The following CEP135 variants were observed in gnomAD, a reference collection of about 807,000 sequenced individuals.
CEP135 encodes centrosomal protein 135.
A neutral mutation model predicts 157.3 loss-of-function variants in CEP135; 142 were observed. The observed-to-expected ratio is 0.90, with a 90% CI of 0.79 to 1.04. The LOEUF (loss-of-function observed/expected upper bound fraction) is 1.04. CEP135 is among the 50% of genes least tolerant of loss of function. The probability of loss-of-function intolerance (pLI) is 0.00; values close to 1 mark genes in which losing one functional copy is unlikely to be tolerated. For synonymous variants in CEP135, 396 were observed against 439.8 expected (o/e 0.90, Z 1.25); for missense variants, 1,317 against 1,309.2 (o/e 1.01, Z -0.09).
In CEP135 at chr4:55,985,311, T is replaced by A. The variant is rs758861444; in HGVS notation, c.1810T>A (p.Ser604Thr). 1.3e-6 allele frequency: 2 copies of A among 1,593,672 alleles called. No homozygotes were observed. Among genetic ancestry groups the A allele is most frequent in the Admixed American group, 3.4e-5 (2 of 59,542 alleles). ...HIEEVSLFGK[S>T]ELEKTIEHLT... The stretch of plus-strand genomic sequence containing the variant: ...TGAAGAAGTGAGTCTTTTTGGAAAA[T>A]CAGAATTAGAGAAAACTATTGAACA... Residue 604 changes from serine (S) to threonine (T), a missense_variant, in exon 14 of 26, where the codon TCA (serine) becomes ACA (threonine). Coordinates refer to ENST00000257287, the MANE Select transcript of CEP135 (RefSeq NM_025009.5).
chr4:56,009,973 A>G, intron 19 of CEP135, 70 bp downstream of exon 19: 2 of 1,429,058 alleles, frequency 1.4e-6, no homozygotes, highest in Non-Finnish European at 1.9e-6. Flanking sequence ...AAAGCTCTAA[A>G]TATTTTTTCT....
At chr4:55,986,772 A>G (rs543980264) in intron 14 of CEP135, among the ~76,000 whole-genome samples, 3 of 152,356 alleles carry the variant, frequency 2.0e-5, no homozygotes, top group Non-Finnish European at 2.9e-5. Flanking sequence ...TAGTGAGCAT[A>G]GTACCCAATA....
At position 56,019,348 on chromosome 4, in the gene CEP135, C is replaced by A; in HGVS notation, c.3013-5C>A. Reference sequence around the variant, plus strand: ...TGAAGTAATCTTACTTTGTTTTTCACGTAGGTTGTGGTGGAATTAGAAAAT... The same window carrying A: ...TGAAGTAATCTTACTTTGTTTTTCAAGTAGGTTGTGGTGGAATTAGAAAAT... On this transcript the variant is annotated splice_polypyrimidine_tract_variant and splice_region_variant and intron_variant, in intron 22 of 25. Transcript: ENST00000257287. 6.2e-7 allele frequency: 1 copy of A among 1,601,662 alleles called. No individual in the cohort carries two copies. The highest frequency in any genetic ancestry group is 1.7e-5 in the Admixed American group (1 of 57,470).
chr4:56,000,381 C>T (rs950111166), intron 17 of CEP135, among the ~76,000 whole-genome samples: 7 of 151,916 alleles, frequency 4.6e-5, no homozygotes, highest in African/African-American at 9.7e-5. Flanking sequence ...TTGAAATGTG[C>T]GCTGGATTGG....
At chr4:56,008,435 C>A in intron 18 of CEP135, 53 bp downstream of exon 18, 1 of 1,367,368 alleles carries the variant, frequency 7.3e-7, no homozygotes, top group Non-Finnish European at 1.0e-6. Flanking sequence ...TCAGTGAATA[C>A]AGCTTTATCT....
intron 6 of CEP135, chr4:55,960,495 G>A (rs184719441): frequency 1.2e-4 from 19 of 152,238 alleles, no homozygotes; most frequent in African/African-American, 4.6e-4. Context: ...AGGTTAAATT[G>A]GGTAACATGT....
chr4:56,017,075 G>A (rs1229169527), intron 21 of CEP135, among the ~76,000 whole-genome samples: 1 of 151,912 alleles, frequency 6.6e-6, no homozygotes, highest in Non-Finnish European at 1.5e-5. Context: ...AATTCAAATT[G>A]TGAGAAATTT....
intron 6 of CEP135, 151 bp from the exon 7 acceptor site, chr4:55,964,123 T>C: frequency 1.7e-6 from 1 of 590,232 alleles, no homozygotes; most frequent in East Asian, 3.0e-5. Context: ...TGTTCTGCAT[T>C]TATGCATATA....
At chr4:55,994,686 CTT>C (rs1167874369) in intron 15 of CEP135, among the ~76,000 whole-genome samples, 21 of 139,836 alleles carry the variant, frequency 1.5e-4, no homozygotes, top group Admixed American at 3.6e-4. Flanking sequence ...CAAGCATAAT[CTT>C]TTTTTTTTTT....
intron 15 of CEP135, among the ~76,000 whole-genome samples, chr4:55,994,391 A>G (rs1442882376): frequency 6.6e-6 from 1 of 152,128 alleles, no homozygotes; most frequent in African/African-American, 2.4e-5. Context: ...TGCAAAAAAT[A>G]CAAAAGTCAA....
intron 25 of CEP135, among the ~76,000 whole-genome samples, chr4:56,028,510 T>G (rs1263909875): frequency 6.6e-6 from 1 of 152,186 alleles, no homozygotes; most frequent in African/African-American, 2.4e-5. Flanking sequence ...ATTAATGAGA[T>G]TGTTATTTAC....
rs571617087 is a variant in CEP135, at chr4:55,994,430, C to T, written c.2009+2345C>T. ...GGCATGGTAGCATGTGCCTATATCC[C>T]TAGCTACCCGAGAGGCTGAGGCAGG... is the stretch of plus-strand genomic sequence containing the variant. On this transcript the variant is annotated intron_variant, in intron 15 of 25. Coordinates refer to ENST00000257287, the MANE Select transcript of CEP135 (RefSeq NM_025009.5). Among the ~76,000 whole-genome samples the T allele has an allele frequency of 2.6e-5, 4 of 152,278 alleles. No individual in the cohort carries two copies. In the East Asian group the frequency reaches 5.8e-4, roughly 22 times the overall value.
intron 19 of CEP135, among the ~76,000 whole-genome samples, chr4:56,011,039 G>A (rs1391730541): frequency 6.6e-6 from 1 of 151,822 alleles, no homozygotes; most frequent in East Asian, 1.9e-4. Context: ...TTTGAGACCA[G>A]GCTGGACATC....
rs767691969 is a variant in CEP135, at chr4:55,974,800, G to A, written c.1304G>A (p.Arg435His). Residue 435 changes from arginine to histidine, a missense_variant, in exon 11 of 26, where the codon CGT (arginine) becomes CAT (histidine). Physicochemically the swap from Arg to His is conservative, Grantham distance 29. Transcript: ENST00000257287. Reference protein sequence around the residue: ...ERMRLEHGIKRRDRSPSRLDT... With the variant: ...ERMRLEHGIKHRDRSPSRLDT... ...ATGAGACTAGAACATGGAATAAAAC[G>A]TCGAGACAGGTCACCTTCTCGTTTA... 6 of 1,613,690 alleles carry A rather than the reference G, an allele frequency of 3.7e-6. No individual in the cohort carries two copies. The highest frequency in any genetic ancestry group is 3.3e-5 in the South Asian group (3 of 91,068).
intron 12 of CEP135, 31 bp from the exon 13 acceptor site, chr4:55,981,196 C>T (rs1285832346): frequency 1.1e-5 from 17 of 1,545,462 alleles, no homozygotes; most frequent in Non-Finnish European, 1.5e-5. Context: ...ACTAAAGTGC[C>T]TTTTTAATTT....
At chr4:55,977,198 A>G (rs549900617) in intron 11 of CEP135, among the ~76,000 whole-genome samples, 10 of 152,276 alleles carry the variant, frequency 6.6e-5, no homozygotes, top group African/African-American at 2.4e-4. Context: ...TGGATTTGGT[A>G]CTAGCTGTGT....
chr4:55,950,238 C>T (rs1166051237), intron 1 of CEP135, among the ~76,000 whole-genome samples: 1 of 152,070 alleles, frequency 6.6e-6, no homozygotes, highest in African/African-American at 2.4e-5. Flanking sequence ...CTTTGTGGCC[C>T]CGTGGTTTTG....
intron 6 of CEP135, among the ~76,000 whole-genome samples, chr4:55,963,032 C>G (rs1728732557): frequency 6.6e-6 from 1 of 151,968 alleles, no homozygotes; most frequent in African/African-American, 2.4e-5. Context: ...CTCCTTTATT[C>G]TCTACTTTGG....
chr4:55,997,025 G>GA, intron 15 of CEP135, among the ~76,000 whole-genome samples: 1 of 152,204 alleles, frequency 6.6e-6, no homozygotes, highest in East Asian at 1.9e-4. Context: ...TTCACTCTCT[G>GA]GTGAGAAGTT....
Sources: allele counts gnomAD v4.1 joint callset (sites outside exome capture counted in the v4.1 genomes callset), GRCh38; gene constraint gnomAD v4.1.1; transcripts MANE v1.5; gene names NCBI Gene and HGNC (gene_info 2026-07-23, HGNC 2026-07-21).